ABI2: variants seen among roughly 807,000 people sequenced by gnomAD.
ABI2 encodes the protein abl interactor 2, also known as abelson interactor 2.
In ABI2, 25 loss-of-function variants were observed where a neutral mutation model predicts 59.2. The observed-to-expected ratio is 0.42, with a 90% confidence interval of 0.31 to 0.59. The LOEUF is 0.59. Ranked by LOEUF, ABI2 falls within the 20% of genes least tolerant of loss-of-function variation. ABI2 has a pLI of 0.14. For synonymous variants in ABI2, 213 were observed against 235.5 expected (o/e 0.90, Z 0.87); for missense variants, 545 against 681.8 (o/e 0.80, Z 2.23).
chr2:203,371,051 T>C (rs973945148), intron 2 of ABI2, among the ~76,000 whole-genome samples: 2 of 152,230 alleles, frequency 1.3e-5, no homozygotes, highest in Non-Finnish European at 1.5e-5. Flanking sequence ...TGTGTGACAT[T>C]TGACTTCTTT....
Position 203,338,918 on chromosome 2 carries a change from GTGTGTGTGTGTATA to G in ABI2, c.117+10291_117+10304del, listed in dbSNP as rs1338320365. Among the ~76,000 whole-genome samples the G allele has an allele frequency of 8.6e-3, 304 of 35,534 alleles. 5 individuals carry two copies. Among genetic ancestry groups the G allele is most frequent in the African/African-American group, 0.023 (227 of 9,804 alleles). The allele number at this position is 35,534 out of a possible 152,430, so 23.3% of individuals were successfully genotyped here. A position where few individuals can be genotyped will look rare whatever the true frequency, so the allele number is the denominator to read the frequency against. ...ATAAGGGGTTTATATCTGTGTGTGT[GTGTGTGTGTGTATA>G]TGTATATATATATATATATATATAT... On this transcript the variant is annotated intron_variant, in intron 1 of 11. Transcript: ENST00000261018.
At chr2:203,421,227 T>G (rs1286205195) in intron 11 of ABI2, among the ~76,000 whole-genome samples, 1 of 152,160 alleles carries the variant, frequency 6.6e-6, no homozygotes, top group Non-Finnish European at 1.5e-5. Context: ...GGATAAACTT[T>G]GAAGCAAGGG....
At chr2:203,347,505 A>C (rs2084420860) in intron 1 of ABI2, among the ~76,000 whole-genome samples, 1 of 152,226 alleles carries the variant, frequency 6.6e-6, no homozygotes, top group Admixed American at 6.5e-5. Flanking sequence ...TTACCACCCA[A>C]GGAAAATGTG....
At chr2:203,417,149 T>C (rs1408598054) in intron 11 of ABI2, 68 bp downstream of exon 11, 1 of 1,329,350 alleles carries the variant, frequency 7.5e-7, no homozygotes, top group African/African-American at 1.5e-5. Context: ...TTTGCGGTAC[T>C]GAAGAGAATC....
intron 4 of ABI2, among the ~76,000 whole-genome samples, chr2:203,389,675 A>G (rs2096665406): frequency 6.6e-6 from 1 of 152,238 alleles, no homozygotes; most frequent in Non-Finnish European, 1.5e-5. Flanking sequence ...CTTTTTCAAA[A>G]TATGTTTTGA....
intron 4 of ABI2, among the ~76,000 whole-genome samples, chr2:203,384,296 T>TTTTTGTTTTTTTTTG (rs2096334900): frequency 2.0e-4 from 5 of 24,480 alleles, no homozygotes; most frequent in Admixed American, 7.0e-4. Flanking sequence ...TTTTGTTTTT[T>TTTTTGTTTTTTTTTG]TTTTTTTTTT....
intron 1 of ABI2, among the ~76,000 whole-genome samples, chr2:203,355,812 CAA>C (rs1228679950): frequency 7.6e-5 from 7 of 92,488 alleles, no homozygotes; most frequent in Non-Finnish European, 1.4e-4. Context: ...GCCTGGGCAA[CAA>C]GAGCAAAACT....
At chr2:203,374,881 A>G (rs1178454383) in intron 2 of ABI2, 7 of 452,978 alleles carry the variant, frequency 1.5e-5, no homozygotes, top group Non-Finnish European at 4.5e-6. Flanking sequence ...GTCAACTTTC[A>G]ATTATCTGTG....
chr2:203,345,695 C>T (rs2082981519), intron 1 of ABI2, among the ~76,000 whole-genome samples: 1 of 151,882 alleles, frequency 6.6e-6, no homozygotes, highest in Non-Finnish European at 1.5e-5. Context: ...AGGCCTGAGC[C>T]ACCACGCCCA....
intron 1 of ABI2, chr2:203,342,297 A>G (rs2080422885): frequency 6.8e-6 from 3 of 438,204 alleles, no homozygotes; most frequent in Non-Finnish European, 1.4e-5. Context: ...TCTTCGTTGT[A>G]AATTTTGAAT....
chr2:203,407,544 T>C (rs1419994260), intron 9 of ABI2, among the ~76,000 whole-genome samples: 1 of 152,224 alleles, frequency 6.6e-6, no homozygotes, highest in Non-Finnish European at 1.5e-5. Context: ...CAGAGGACTT[T>C]ATAAATAACC....
chr2:203,391,800 G>A (rs1317215951), intron 5 of ABI2, among the ~76,000 whole-genome samples: 1 of 150,354 alleles, frequency 6.7e-6, no homozygotes, highest in African/African-American at 2.5e-5. Context: ...CAGCCTCAGT[G>A]GCAGAGTGAG....
At chr2:203,423,927 T>C (rs1335993526) in intron 11 of ABI2, among the ~76,000 whole-genome samples, 1 of 152,246 alleles carries the variant, frequency 6.6e-6, no homozygotes, top group African/African-American at 2.4e-5. Context: ...CTTTGAAATT[T>C]AGAATGTATT....
chr2:203,351,368 C>T (rs1392511993), intron 1 of ABI2, among the ~76,000 whole-genome samples: 1 of 152,006 alleles, frequency 6.6e-6, no homozygotes, highest in Non-Finnish European at 1.5e-5. Context: ...TAATTTCTGC[C>T]ACAAAGGCAG....
intron 5 of ABI2, among the ~76,000 whole-genome samples, chr2:203,391,835 AAAAG>A (rs1206765187): frequency 1.3e-5 from 2 of 151,978 alleles, no homozygotes; most frequent in African/African-American, 4.8e-5. Context: ...AAAAAAAAAA[AAAAG>A]AAGAATATGG....
At chr2:203,359,055 T>G (rs1394575377) in intron 1 of ABI2, among the ~76,000 whole-genome samples, 1 of 152,104 alleles carries the variant, frequency 6.6e-6, no homozygotes, top group Non-Finnish European at 1.5e-5. Context: ...GGGATCTATG[T>G]CATGGTCCTG....
chr2:203,423,566 C>T (rs572663588), intron 11 of ABI2, among the ~76,000 whole-genome samples: 1 of 152,348 alleles, frequency 6.6e-6, no homozygotes, highest in East Asian at 1.9e-4. Context: ...GCTGGGACTA[C>T]AGGCGCCGGC....
chr2:203,400,054 G>A (rs889909581), intron 8 of ABI2, among the ~76,000 whole-genome samples: 2 of 142,942 alleles, frequency 1.4e-5, no homozygotes, highest in Non-Finnish European at 1.5e-5. Context: ...ATGGTAAATC[G>A]ACTCATTAAT....
In ABI2 at chr2:203,428,583, G is replaced by T. The variant is rs982123619; in HGVS notation, c.*1231G>T. The T allele has an allele frequency of 2.0e-5, 3 of 152,524 alleles. No homozygotes were observed. The highest frequency in any genetic ancestry group is 7.2e-5 in the African/African-American group (3 of 41,436). 9.4% of individuals were successfully genotyped at this position (152,524 alleles called of 1,614,324 possible). A position where few individuals can be genotyped will look rare whatever the true frequency, so the allele number is the denominator to read the frequency against. ...GCCAAAATATGTATCTAATCACATT[G>T]ATAAAAATTAATATAACTGACACAA... On this transcript the variant is annotated 3_prime_UTR_variant, in exon 12 of 12. Transcript: ENST00000261018.
Sources: allele counts gnomAD v4.1 joint callset (sites outside exome capture counted in the v4.1 genomes callset), GRCh38; gene constraint gnomAD v4.1.1; transcripts MANE v1.5; gene names NCBI Gene and HGNC (gene_info 2026-07-23, HGNC 2026-07-21).